The following DUSP22 variants were observed in gnomAD, a reference collection of about 807,000 sequenced individuals.
DUSP22 encodes the protein dual specificity phosphatase 22.
Under a neutral mutation model 24.5 loss-of-function variants are expected in DUSP22, and 24 were observed. The observed-to-expected ratio is 0.98, with a 90% CI of 0.71 to 1.38. DUSP22 has a LOEUF of 1.38. DUSP22 is among the 40% of genes most tolerant of loss of function. The probability of loss-of-function intolerance (pLI) is 0.00; values close to 1 mark genes in which losing one functional copy is unlikely to be tolerated. For synonymous variants in DUSP22, 160 were observed against 106.4 expected, an observed-to-expected ratio of 1.50 and a Z score of -3.10; for missense variants, 330 against 269.2, an observed-to-expected ratio of 1.23 and a Z score of -1.58.
At chr6:308,207 G>A (rs963648684) in intron 2 of DUSP22, among the ~76,000 whole-genome samples, 9 of 152,088 alleles carry the variant, frequency 5.9e-5, no homozygotes, top group Non-Finnish European at 8.8e-5. Context: ...GCACCAAAGC[G>A]CTAAGTTCTG....
intron 3 of DUSP22, among the ~76,000 whole-genome samples, chr6:317,006 T>C (rs1184531096): frequency 6.6e-6 from 1 of 152,308 alleles, no homozygotes; most frequent in African/African-American, 2.4e-5. Flanking sequence ...ATGGGATGTT[T>C]TCATATGCAG....
intron 3 of DUSP22, among the ~76,000 whole-genome samples, chr6:324,908 G>A (rs1341319923): frequency 6.6e-6 from 1 of 152,310 alleles, no homozygotes; most frequent in Non-Finnish European, 1.5e-5. Flanking sequence ...CTGCAAAACA[G>A]GCACAGTGTT....
chr6:303,475 G>A (rs563903456), intron 1 of DUSP22, among the ~76,000 whole-genome samples: 525 of 152,264 alleles, frequency 3.4e-3, no homozygotes, highest in African/African-American at 0.011. Context: ...CGAGGCAGCC[G>A]GTGGTCAGGA....
At chr6:321,867 T>TC (rs1172360717) in intron 3 of DUSP22, among the ~76,000 whole-genome samples, 2 of 152,310 alleles carry the variant, frequency 1.3e-5, no homozygotes, top group Non-Finnish European at 2.9e-5. Context: ...AGGCTATAAG[T>TC]ACCCATGGCT....
intron 3 of DUSP22, among the ~76,000 whole-genome samples, chr6:319,453 G>A (rs1432107881): frequency 3.3e-5 from 5 of 152,304 alleles, no homozygotes; most frequent in African/African-American, 1.2e-4. Flanking sequence ...AATCTTCAAA[G>A]GGAGAAGATG....
intron 4 of DUSP22, among the ~76,000 whole-genome samples, chr6:338,738 A>G (rs2127416286): frequency 6.6e-6 from 1 of 152,426 alleles, no homozygotes; most frequent in South Asian, 2.1e-4. Flanking sequence ...ACTTAAGTAC[A>G]GATTTTAAAA....
At position 349,258 on chromosome 6, in the gene DUSP22, T is replaced by G; in HGVS notation, c.*307T>G. On this transcript the variant is annotated 3_prime_UTR_variant, in exon 7 of 7. Transcript: ENST00000419235. ...GGGTGACTAAGTGGATGCATGTGTG[T>G]GCCTGTGTGAGTGAGGGTATGTGCA... is the stretch of plus-strand genomic sequence containing the variant. 7.5e-7 allele frequency: 1 copy of G among 1,337,572 alleles called. No individual in the cohort carries two copies. The allele number at this position is 1,337,572 out of a possible 1,614,324, so 82.9% of individuals were successfully genotyped here.
At chr6:305,676 C>T (rs1318439985) in intron 2 of DUSP22, among the ~76,000 whole-genome samples, 1 of 152,298 alleles carries the variant, frequency 6.6e-6, no homozygotes, top group African/African-American at 2.4e-5. Context: ...TGCCAGGTGA[C>T]CTTCAGAGTT....
chr6:350,660 C>T lies in DUSP22; in HGVS notation c.*1709C>T. The T allele has an allele frequency of 6.6e-7, 1 of 1,515,942 alleles. No homozygotes were observed. The highest frequency in any genetic ancestry group is 1.3e-5 in the South Asian group (1 of 76,520). The allele number at this position is 1,515,942 out of a possible 1,614,324, so 93.9% of individuals were successfully genotyped here. On this transcript the variant is annotated 3_prime_UTR_variant, in exon 7 of 7. Transcript: ENST00000419235. Reference sequence around the variant, plus strand: ...GCTAAAACAATTTGCCAATAAAGTACATGTTTTTCCTAAGCCAAAAATAAA... The same window carrying T: ...GCTAAAACAATTTGCCAATAAAGTATATGTTTTTCCTAAGCCAAAAATAAA...
At chr6:344,042 C>A (rs1460189656) in intron 4 of DUSP22, among the ~76,000 whole-genome samples, 1 of 152,310 alleles carries the variant, frequency 6.6e-6, no homozygotes, top group Non-Finnish European at 1.5e-5. Context: ...ACTTAACCCA[C>A]AAACCAGTCC....
Position 292,489 on chromosome 6 carries a change from A to C in DUSP22, c.-51A>C, listed in dbSNP as rs770051624. The C allele has an allele frequency of 3.1e-6, 5 of 1,598,082 alleles. No homozygotes were observed. The highest frequency in any genetic ancestry group is 3.4e-6 in the Non-Finnish European group (4 of 1,173,064). On this transcript the variant is annotated 5_prime_UTR_variant, in exon 1 of 7. Coordinates refer to ENST00000419235, the MANE Select transcript of DUSP22 (RefSeq NM_001286555.3). ...GCTCCTCCTCCCTGTAACATGCCAT[A>C]GTGCGCCTGCGACCACACGGCCGGG...
intron 4 of DUSP22, among the ~76,000 whole-genome samples, chr6:341,165 A>G (rs1759589169): frequency 6.6e-6 from 1 of 152,296 alleles, no homozygotes; most frequent in Non-Finnish European, 1.5e-5. Context: ...CTGTTTGGTG[A>G]GTTTCTAACG....
chr6:321,112 A>C (rs1199148081), intron 3 of DUSP22, among the ~76,000 whole-genome samples: 1 of 152,298 alleles, frequency 6.6e-6, no homozygotes, highest in African/African-American at 2.4e-5. Flanking sequence ...ATGATCATAG[A>C]GGTTTGCCAG....
At chr6:293,513 C>T (rs1298559041) in intron 1 of DUSP22, among the ~76,000 whole-genome samples, 1 of 152,204 alleles carries the variant, frequency 6.6e-6, no homozygotes. Flanking sequence ...TTGCGCTCCA[C>T]CCACCCACAT....
At chr6:348,539 C>T (rs775090534) in intron 6 of DUSP22, 268 of 859,842 alleles carry the variant, frequency 3.1e-4, no homozygotes, top group Non-Finnish European at 4.4e-4. Context: ...GGTGACGTAC[C>T]ATTTCCTTGG....
chr6:299,850 A>G (rs1475736377), intron 1 of DUSP22, among the ~76,000 whole-genome samples: 1 of 152,304 alleles, frequency 6.6e-6, no homozygotes, highest in African/African-American at 2.4e-5. Flanking sequence ...CAGGGCAGAA[A>G]GGGGCAGCGT....
chr6:305,810 A>G (rs1366480901), intron 2 of DUSP22, among the ~76,000 whole-genome samples: 1 of 152,300 alleles, frequency 6.6e-6, no homozygotes, highest in African/African-American at 2.4e-5. Context: ...GAGCCAGACC[A>G]TGTCATAGGC....
At chr6:334,544 T>C (rs1759279234) in intron 3 of DUSP22, among the ~76,000 whole-genome samples, 1 of 152,306 alleles carries the variant, frequency 6.6e-6, no homozygotes, top group African/African-American at 2.4e-5. Context: ...AAAGTATTTT[T>C]GTTTGATATA....
intron 4 of DUSP22, among the ~76,000 whole-genome samples, chr6:340,809 G>A (rs1203423047): frequency 6.6e-6 from 1 of 152,304 alleles, no homozygotes; most frequent in Non-Finnish European, 1.5e-5. Flanking sequence ...AAGTCCTTTT[G>A]AGCAGGACAG....
Sources: allele counts gnomAD v4.1 joint callset (sites outside exome capture counted in the v4.1 genomes callset), GRCh38; gene constraint gnomAD v4.1.1; transcripts MANE v1.5; gene names NCBI Gene and HGNC (gene_info 2026-07-23, HGNC 2026-07-21).